Variants in RNF7 observed in about 807,000 individuals in gnomAD.
RNF7 encodes RING-box protein 2.
In RNF7, 9 loss-of-function variants were observed where a neutral mutation model predicts 17.0. The observed-to-expected ratio is 0.53, with a 90% CI of 0.32 to 0.92. The LOEUF is 0.92. Ranked by LOEUF, RNF7 falls within the 40% of genes least tolerant of loss-of-function variation. The pLI is 0.04. For missense variants in RNF7, 87 were observed against 145.8 expected (o/e 0.60, Z 2.08); for synonymous variants, 59 against 50.5 (o/e 1.17, Z -0.72).
intron 1 of RNF7, chr3:141,742,568 T>A (rs937301325): frequency 1.1e-5 from 12 of 1,117,414 alleles, no homozygotes; most frequent in African/African-American, 1.6e-5. Flanking sequence ...ACTTATTTTA[T>A]CTGTAAAATT....
chr3:141,738,629 G>A (rs774602320), intron 1 of RNF7, 113 bp downstream of exon 1: 572 of 1,125,286 alleles, frequency 5.1e-4, no homozygotes, highest in Middle Eastern at 6.4e-4. Flanking sequence ...GCCTGGGAGA[G>A]TGGGTGGAGG....
rs758153573 is a variant in RNF7 at position 141,743,543 on chromosome 3, A to G, written c.210A>G (p.Gln70=). ...TTAGATGTCAAGCTGAAAACAAACAAGAGGACTGTGTTGGTATGTTGTAAT... is the reference window on the plus strand; with the variant it reads ...TTAGATGTCAAGCTGAAAACAAACAGGAGGACTGTGTTGGTATGTTGTAAT... ...ACLRCQAENK[Q]EDCVVVWGEC... Residue 70 remains glutamine (Q), a synonymous_variant, in exon 2 of 3, where the codon CAA becomes CAG. Coordinates refer to ENST00000273480, the MANE Select transcript of RNF7 (RefSeq NM_014245.5). The G allele has an allele frequency of 2.5e-6, 4 of 1,611,394 alleles. No homozygotes were observed. The East Asian group carries it at 6.7e-5, about 27-fold the overall frequency.
At chr3:141,739,628 T>C (rs1425665186) in intron 1 of RNF7, among the ~76,000 whole-genome samples, 1 of 152,198 alleles carries the variant, frequency 6.6e-6, no homozygotes, top group Non-Finnish European at 1.5e-5. Flanking sequence ...TTGCTCACCT[T>C]AAGGGGGGTG....
chr3:141,741,952 T>G (rs1043336218), intron 1 of RNF7, among the ~76,000 whole-genome samples: 1 of 152,100 alleles, frequency 6.6e-6, no homozygotes. Context: ...GGGTAAATAC[T>G]TTGGGCTCAG....
Position 141,745,525 on chromosome 3 carries a change from C to A in RNF7, c.*248C>A. 3.8e-6 allele frequency: 1 copy of A among 261,460 alleles called. No homozygotes were observed. The highest frequency in any genetic ancestry group is 2.2e-5 in the African/African-American group (1 of 44,746). The allele number at this position is 261,460 out of a possible 1,614,324, so 16.2% of individuals were successfully genotyped here. ...TCCTACCTCTGTGGTGTGTGTCGCG[C>A]ACACAGCTTAGAAGTGCTATAAAAA... On this transcript the variant is annotated 3_prime_UTR_variant, in exon 3 of 3. Transcript: ENST00000273480.
chr3:141,743,750 T>C (rs954995482), intron 2 of RNF7, among the ~76,000 whole-genome samples, 194 bp downstream of exon 2: 3 of 152,230 alleles, frequency 2.0e-5, no homozygotes, highest in Admixed American at 6.5e-5. Context: ...TTTATTGCCA[T>C]AATTAAGAAG....
Position 141,745,166 on chromosome 3 carries a change from G to A in RNF7, c.231G>A (p.Trp77Ter), listed in dbSNP as rs764758505. ...TCTTTTTCTTTCTTTCAGTGGTCTGGGGAGAATGTAATCATTCCTTCCACA... is the reference window on the plus strand; with the variant it reads ...TCTTTTTCTTTCTTTCAGTGGTCTGAGGAGAATGTAATCATTCCTTCCACA... ...ENKQEDCVVV[W>*]GECNHSFHNC... The change falls in exon 3 of 3, where the codon TGG becomes TGA. Residue 77 changes from tryptophan (W) to a stop codon, truncating the protein, a stop_gained. Transcript: ENST00000273480. LOFTEE classifies it high-confidence loss of function. 1 of 1,609,532 alleles carries A rather than the reference G, an allele frequency of 6.2e-7. No homozygotes were observed. Among genetic ancestry groups the A allele is most frequent in the Non-Finnish European group, 8.5e-7 (1 of 1,176,242 alleles).
intron 1 of RNF7, among the ~76,000 whole-genome samples, 160 bp downstream of exon 1, chr3:141,738,676 G>C (rs2084383659): frequency 6.7e-6 from 1 of 148,160 alleles, no homozygotes; most frequent in African/African-American, 2.5e-5. Flanking sequence ...GCGGAGCCAC[G>C]CTCCTGCTGC....
chr3:141,745,796 G>A lies in RNF7; in HGVS notation c.*519G>A, dbSNP rs1470147502. On this transcript the variant is annotated 3_prime_UTR_variant, in exon 3 of 3. Coordinates refer to ENST00000273480, the MANE Select transcript of RNF7 (RefSeq NM_014245.5). ...TGTGATATAAGGATTTTAAGTTTGG[G>A]CCAGTGAACAGGGTAAATAAAATTT... 3 of 152,284 alleles carry A rather than the reference G, an allele frequency of 2.0e-5. No individual in the cohort carries two copies. The highest frequency in any genetic ancestry group is 2.4e-5 in the African/African-American group (1 of 41,426). 9.4% of individuals were successfully genotyped at this position (152,284 alleles called of 1,614,324 possible).
intron 1 of RNF7, 100 bp downstream of exon 1, chr3:141,738,616 C>T (rs2084382667): frequency 7.8e-7 from 1 of 1,283,986 alleles, no homozygotes; most frequent in East Asian, 2.7e-5. Context: ...CGGAAAGTGC[C>T]CTGCCTGGGA....
intron 1 of RNF7, among the ~76,000 whole-genome samples, chr3:141,738,783 TA>T (rs773863277): frequency 1.8e-4 from 28 of 152,240 alleles, no homozygotes; most frequent in Admixed American, 1.4e-3. Context: ...AGACGGGCAA[TA>T]AACGGAGTTA....
In RNF7 at chr3:141,742,541, A is replaced by G. The variant is rs1422239659; in HGVS notation, c.176-968A>G. ...TTACAAAGAAAAAACCTTAGTGTTT[A>G]GGGATATCTAGTATTTACTTATTTT... On this transcript the variant is annotated intron_variant, in intron 1 of 2. Coordinates refer to ENST00000273480, the MANE Select transcript of RNF7 (RefSeq NM_014245.5). 3 of 998,896 alleles carry G rather than the reference A, an allele frequency of 3.0e-6. No homozygotes were observed. The African/African-American group carries it at 5.2e-5, about 17-fold the overall frequency. The allele number at this position is 998,896 out of a possible 1,614,324, so 61.9% of individuals were successfully genotyped here.
chr3:141,744,151 A>G (rs1383157467), intron 2 of RNF7, among the ~76,000 whole-genome samples: 1 of 152,170 alleles, frequency 6.6e-6, no homozygotes, highest in African/African-American at 2.4e-5. Flanking sequence ...TTTTCTTAGA[A>G]TAAAAGATTG....
At chr3:141,743,674 G>T in intron 2 of RNF7, 118 bp downstream of exon 2, 1 of 682,834 alleles carries the variant, frequency 1.5e-6, no homozygotes, top group Non-Finnish European at 2.5e-6. Flanking sequence ...GTAAAGCAGT[G>T]ATCCATTGTT....
chr3:141,740,029 C>G (rs1481443717), intron 1 of RNF7, among the ~76,000 whole-genome samples: 1 of 152,102 alleles, frequency 6.6e-6, no homozygotes, highest in Non-Finnish European at 1.5e-5. Context: ...GAATGAGACC[C>G]TGTCTCAGCA....
intron 2 of RNF7, among the ~76,000 whole-genome samples, chr3:141,744,519 A>G (rs1263454962): frequency 1.3e-5 from 2 of 152,070 alleles, no homozygotes; most frequent in Non-Finnish European, 2.9e-5. Context: ...CTGCTTGTTT[A>G]AAAAGTATTA....
chr3:141,739,187 T>C (rs1182291038), intron 1 of RNF7, among the ~76,000 whole-genome samples: 1 of 151,482 alleles, frequency 6.6e-6, no homozygotes, highest in Admixed American at 6.6e-5. Context: ...CTAAGTTTCA[T>C]GGAAGCTGAA....
At chr3:141,743,192 G>T (rs1016831700) in intron 1 of RNF7, among the ~76,000 whole-genome samples, 17 of 152,062 alleles carry the variant, frequency 1.1e-4, no homozygotes, top group African/African-American at 3.9e-4. Context: ...CCCAGTAAGC[G>T]TATGGTAACT....
chr3:141,743,045 T>G (rs2084437220), intron 1 of RNF7: 1 of 338,982 alleles, frequency 3.0e-6, no homozygotes, highest in African/African-American at 2.3e-5. Flanking sequence ...CTCCTTCCCA[T>G]TCCAAACCCT....
Sources: gnomAD v4.1 joint callset for allele counts (sites outside exome capture counted in the v4.1 genomes callset) on GRCh38, gnomAD v4.1.1 for gene constraint, MANE v1.5 for transcripts, NCBI Gene and HGNC (gene_info 2026-07-23, HGNC 2026-07-21) for gene names.